USH2A: variants seen among roughly 807,000 people sequenced by gnomAD.
USH2A encodes Usher syndrome 2A (autosomal recessive, mild).
Under a neutral mutation model 538.9 loss-of-function variants are expected in USH2A, and 443 were observed. The ratio of observed to expected loss-of-function variants is 0.82; its 90% CI spans 0.76 to 0.89. The LOEUF is 0.89. USH2A is among the 40% of genes least tolerant of loss of function. USH2A has a pLI of 0.00. For missense variants in USH2A, 6,633 were observed against 6,324.8 expected, an observed-to-expected ratio of 1.05 and a Z score of -1.65; for synonymous variants, 2,413 against 2,273.5, an observed-to-expected ratio of 1.06 and a Z score of -1.75.
In USH2A at chr1:215,630,472, A is replaced by ATG. The variant is rs200498400; in HGVS notation, c.15298-1439_15298-1438dup. 3.8e-3 allele frequency among the ~76,000 whole-genome samples: 241 copies of ATG among 64,042 alleles called. 2 individuals carry two copies. The highest frequency in any genetic ancestry group is 0.011 in the South Asian group (20 of 1,756). 42.0% of individuals were successfully genotyped at this position (64,042 alleles called of 152,430 possible). A position where few individuals can be genotyped will look rare whatever the true frequency, so the allele number is the denominator to read the frequency against. ...TATATGTGAATATATATGTATGTGT[A>ATG]TGTGTGTGTGTATATATATATATAT... On this transcript the variant is annotated intron_variant, in intron 70 of 71. Transcript: ENST00000307340.
At chr1:215,634,360 A>T in intron 70 of USH2A, 99 bp downstream of exon 70, 1 of 1,581,908 alleles carries the variant, frequency 6.3e-7, no homozygotes, top group Non-Finnish European at 8.7e-7. Flanking sequence ...ACTTACATCT[A>T]ATTCCTTGTT....
At chr1:215,694,757 T>C (rs746035031) in intron 61 of USH2A, among the ~76,000 whole-genome samples, 2 of 152,172 alleles carry the variant, frequency 1.3e-5, no homozygotes, top group Admixed American at 1.3e-4. Context: ...TAACATCACA[T>C]TGAGGGTTAG....
chr1:216,315,117 G>A (rs1433297933), intron 9 of USH2A, among the ~76,000 whole-genome samples: 1 of 152,144 alleles, frequency 6.6e-6, no homozygotes, highest in Admixed American at 6.6e-5. Context: ...AGAAAAAGAA[G>A]TAATAAATAT....
At chr1:216,271,613 A>T (rs1378831772) in intron 11 of USH2A, among the ~76,000 whole-genome samples, 3 of 152,124 alleles carry the variant, frequency 2.0e-5, no homozygotes, top group African/African-American at 4.8e-5. Context: ...GTGGTAAAAA[A>T]TTTAACATTT....
At chr1:216,336,928 G>C (rs116401614) in intron 4 of USH2A, among the ~76,000 whole-genome samples, 8 of 151,316 alleles carry the variant, frequency 5.3e-5, no homozygotes, top group Non-Finnish European at 1.2e-4. Flanking sequence ...GGATAACTTC[G>C]ACAAATTTCT....
chr1:215,794,753 C>T (rs554930292), intron 50 of USH2A, among the ~76,000 whole-genome samples: 1 of 152,236 alleles, frequency 6.6e-6, no homozygotes, highest in East Asian at 1.9e-4. Flanking sequence ...AGGGCTGTCA[C>T]CATTTGTGTA....
At chr1:215,629,615 A>C (rs1656190074) in intron 70 of USH2A, among the ~76,000 whole-genome samples, 1 of 151,990 alleles carries the variant, frequency 6.6e-6, no homozygotes, top group Non-Finnish European at 1.5e-5. Flanking sequence ...CCAGCCTCCA[A>C]ATTACATCAG....
At chr1:215,781,897 T>G (rs1467179401) in intron 54 of USH2A, 145 bp downstream of exon 54, 1 of 1,001,400 alleles carries the variant, frequency 1.0e-6, no homozygotes, top group Non-Finnish European at 1.5e-6. Context: ...TAGCACTCAG[T>G]TAACGTGACA....
chr1:215,896,864 T>C (rs1194008174), intron 40 of USH2A, among the ~76,000 whole-genome samples: 1 of 152,208 alleles, frequency 6.6e-6, no homozygotes, highest in East Asian at 1.9e-4. Flanking sequence ...GTGTTGTTTG[T>C]ATTTATCTGG....
Position 215,798,894 on chromosome 1 carries a change from C to T in USH2A, c.9958+13G>A, listed in dbSNP as rs748859123. ...ATCCTCCATCTACTGAAAGGTAGAC[C>T]TGGGCCCCTTACCTGGAAGGCGATT... On this transcript the variant is annotated intron_variant, in intron 50 of 71. Coordinates refer to ENST00000307340, the MANE Select transcript of USH2A (RefSeq NM_206933.4). 24 of 1,613,860 alleles carry T rather than the reference C, an allele frequency of 1.5e-5. No homozygotes were observed. Among genetic ancestry groups the T allele is most frequent in the Non-Finnish European group, 1.9e-5 (22 of 1,179,952 alleles).
rs1320090044 is a variant in USH2A at position 215,893,863 on chromosome 1, A to C, written c.7595-4809T>G. ...GTATTGGTCATTTTTGGCTTGAATA[A>C]GTTCCTTTTGATCTTACATTATAAA... is the stretch of plus-strand genomic sequence containing the variant. On this transcript the variant is annotated intron_variant, in intron 40 of 71. Coordinates refer to ENST00000307340, the MANE Select transcript of USH2A (RefSeq NM_206933.4). Among the ~76,000 whole-genome samples, 12 of 152,304 alleles carry C rather than the reference A, an allele frequency of 7.9e-5. 1 individual carries two copies. The East Asian group carries it at 1.9e-3, about 24-fold the overall frequency.
At chr1:216,150,562 G>A (rs1028386602) in intron 21 of USH2A, among the ~76,000 whole-genome samples, 24 of 152,000 alleles carry the variant, frequency 1.6e-4, no homozygotes, top group East Asian at 1.4e-3. Flanking sequence ...AACATCTCCC[G>A]TCTCCCTACA....
At position 215,993,097 on chromosome 1, in the gene USH2A, C is replaced by T. The variant is rs201526850; in HGVS notation, c.6728G>A (p.Gly2243Asp). 18 of 1,613,910 alleles carry T rather than the reference C, an allele frequency of 1.1e-5. No homozygotes were observed. Residue 2243 changes from glycine to aspartate, a missense_variant, in exon 35 of 72, where the codon GGC becomes GAC. Transcript: ENST00000307340. Reference sequence around the variant, plus strand: ...TGAGTGGGCTTTGGGGGCTGGCACGCCTTCGGGTATGTCCTCGTCAGTTAG... The same window carrying T: ...TGAGTGGGCTTTGGGGGCTGGCACGTCTTCGGGTATGTCCTCGTCAGTTAG... The part of the protein sequence containing the change: ...EALTDEDIPE[G>D]VPAPKAHSYS...
intron 32 of USH2A, among the ~76,000 whole-genome samples, chr1:216,029,684 C>T (rs1014607092): frequency 6.6e-5 from 10 of 151,790 alleles, no homozygotes; most frequent in Admixed American, 3.9e-4. Flanking sequence ...ACTGTATTTT[C>T]AGCAATTCTC....
At chr1:215,638,068 A>AT (rs1656554875) in intron 69 of USH2A, among the ~76,000 whole-genome samples, 1 of 150,412 alleles carries the variant, frequency 6.6e-6, no homozygotes, top group African/African-American at 2.4e-5. Flanking sequence ...GTCAATCATA[A>AT]TCTTTTATGG....
intron 27 of USH2A, among the ~76,000 whole-genome samples, chr1:216,076,773 C>T (rs1352117460): frequency 6.6e-6 from 1 of 152,298 alleles, no homozygotes; most frequent in Admixed American, 6.5e-5. Flanking sequence ...TATTCAAAGG[C>T]ATTTAAATCT....
At chr1:216,017,110 T>C (rs999472606) in intron 32 of USH2A, among the ~76,000 whole-genome samples, 2 of 152,158 alleles carry the variant, frequency 1.3e-5, no homozygotes, top group Non-Finnish European at 2.9e-5. Context: ...TCTTGGTTAC[T>C]TTTATGATAT....
At chr1:215,993,235 G>A in intron 34 of USH2A, 68 bp from the exon 35 acceptor site, 1 of 1,611,488 alleles carries the variant, frequency 6.2e-7, no homozygotes, top group Non-Finnish European at 8.5e-7. Flanking sequence ...ATTGAGGAAA[G>A]AGAATTCATA....
At chr1:215,909,118 G>C (rs114939670) in intron 38 of USH2A, among the ~76,000 whole-genome samples, 4,341 of 151,344 alleles carry the variant, frequency 0.029, 91 homozygotes, top group Non-Finnish European at 0.042. Context: ...TAACTCAGCA[G>C]CTATTTAAAA....
Sources: gnomAD v4.1 joint callset for allele counts (sites outside exome capture counted in the v4.1 genomes callset) on GRCh38, gnomAD v4.1.1 for gene constraint, MANE v1.5 for transcripts, NCBI Gene and HGNC (gene_info 2026-07-23, HGNC 2026-07-21) for gene names.